The following RIMS1 variants were observed in gnomAD, a reference collection of about 807,000 sequenced individuals.
The protein encoded by RIMS1 is regulating synaptic membrane exocytosis protein 1.
Under a neutral mutation model 214.1 loss-of-function variants are expected in RIMS1, and 83 were observed. The observed-to-expected ratio is 0.39, with a 90% CI of 0.32 to 0.47. The LOEUF (loss-of-function observed/expected upper bound fraction) is 0.47, where lower values mean the gene tolerates loss of function less well. Among genes scored for constraint, RIMS1 ranks in the 20% least tolerant of loss-of-function variants. The pLI, the probability that RIMS1 is intolerant of heterozygous loss-of-function variation, is 0.99. For synonymous variants in RIMS1, 793 were observed against 786.8 expected (o/e 1.01, Z -0.13); for missense variants, 2,050 against 2,161.8 (o/e 0.95, Z 1.03).
At position 72,157,452 on chromosome 6, in the gene RIMS1, T is replaced by C. The variant is rs2044588707; in HGVS notation, c.472-22123T>C. Among the ~76,000 whole-genome samples the C allele has an allele frequency of 1.4e-5, 2 of 140,334 alleles. 1 individual carries two copies. Among genetic ancestry groups the C allele is most frequent in the Non-Finnish European group, 3.2e-5 (2 of 61,708 alleles). 92.1% of individuals were successfully genotyped at this position (140,334 alleles called of 152,430 possible). On this transcript the variant is annotated intron_variant, in intron 4 of 33. Transcript: ENST00000521978. Reference sequence around the variant, plus strand: ...TTTAAGTTTATATAGGTTGAGACTATGTTGTTACTGCATATGAAATCAGAG... The same window carrying C: ...TTTAAGTTTATATAGGTTGAGACTACGTTGTTACTGCATATGAAATCAGAG...
intron 1 of RIMS1, among the ~76,000 whole-genome samples, chr6:71,931,715 T>G (rs1175948199): frequency 6.6e-6 from 1 of 152,138 alleles, no homozygotes; most frequent in Non-Finnish European, 1.5e-5. Flanking sequence ...ACTCTATTGA[T>G]AGTTTCTTTT....
In RIMS1 at chr6:72,028,112, T is replaced by C. The variant is rs577744938; in HGVS notation, c.245+59049T>C. Among the ~76,000 whole-genome samples the C allele has an allele frequency of 3.9e-5, 6 of 152,294 alleles. No homozygotes were observed. In the South Asian group the frequency reaches 8.3e-4, roughly 21 times the overall value. On this transcript the variant is annotated intron_variant, in intron 2 of 33. Transcript: ENST00000521978. Reference sequence around the variant, plus strand: ...AAACATATTCTGAATTCTGACTGGATGTGTTAAGTACAATGATTATTTGAT... The same window carrying C: ...AAACATATTCTGAATTCTGACTGGACGTGTTAAGTACAATGATTATTTGAT...
At chr6:72,291,520 G>T (rs2093384950) in intron 25 of RIMS1, among the ~76,000 whole-genome samples, 1 of 152,156 alleles carries the variant, frequency 6.6e-6, no homozygotes, top group Non-Finnish European at 1.5e-5. Flanking sequence ...TAATTCTATA[G>T]TCAATATCAA....
chr6:72,302,144 G>C (rs2094676181), intron 26 of RIMS1, among the ~76,000 whole-genome samples: 1 of 151,434 alleles, frequency 6.6e-6, no homozygotes. Context: ...TTGATCAAAG[G>C]AACATTGAGG....
chr6:72,317,681 T>C (rs917541689), intron 28 of RIMS1, among the ~76,000 whole-genome samples: 9 of 152,172 alleles, frequency 5.9e-5, no homozygotes, highest in African/African-American at 2.2e-4. Flanking sequence ...AGGATAAAAT[T>C]CAAAAGTAAT....
At chr6:71,918,556 C>CAGCAGT (rs1239494613) in intron 1 of RIMS1, among the ~76,000 whole-genome samples, 1 of 152,034 alleles carries the variant, frequency 6.6e-6, no homozygotes, top group Non-Finnish European at 1.5e-5. Context: ...GTAGAGGGGA[C>CAGCAGT]AGCAGTATGG....
At chr6:71,899,490 A>AC (rs199907215) in intron 1 of RIMS1, among the ~76,000 whole-genome samples, 3,771 of 151,712 alleles carry the variant, frequency 0.025, 52 homozygotes, top group South Asian at 0.048. Context: ...ACACACACAC[A>AC]AACACACACA....
At chr6:71,939,353 A>G (rs1785363545) in intron 1 of RIMS1, among the ~76,000 whole-genome samples, 1 of 152,182 alleles carries the variant, frequency 6.6e-6, no homozygotes, top group African/African-American at 2.4e-5. Flanking sequence ...CTGGCAATAC[A>G]GGCTTTTGGT....
chr6:71,931,000 AT>A (rs1267460549), intron 1 of RIMS1, among the ~76,000 whole-genome samples: 1 of 152,058 alleles, frequency 6.6e-6, no homozygotes, highest in Non-Finnish European at 1.5e-5. Context: ...AATGCATATT[AT>A]TGACACTAGT....
intron 6 of RIMS1, among the ~76,000 whole-genome samples, chr6:72,187,165 G>A (rs1388430579): frequency 3.9e-5 from 6 of 151,904 alleles, no homozygotes; most frequent in Admixed American, 6.6e-5. Context: ...GAAGAAAGGA[G>A]GGAAGGAAGA....
intron 16 of RIMS1, among the ~76,000 whole-genome samples, chr6:72,256,545 C>T (rs1034300439): frequency 4.0e-5 from 6 of 151,848 alleles, no homozygotes; most frequent in African/African-American, 1.5e-4. Flanking sequence ...ATTTATATAC[C>T]TTGAATACTC....
intron 6 of RIMS1, among the ~76,000 whole-genome samples, chr6:72,221,838 G>T (rs2058553017): frequency 6.6e-6 from 1 of 151,822 alleles, no homozygotes; most frequent in Non-Finnish European, 1.5e-5. Flanking sequence ...TATTTCTCCA[G>T]CTCAATCCTG....
At chr6:72,199,971 A>G (rs969869366) in intron 6 of RIMS1, among the ~76,000 whole-genome samples, 1 of 152,084 alleles carries the variant, frequency 6.6e-6, no homozygotes, top group African/African-American at 2.4e-5. Flanking sequence ...ATGAGGAGAA[A>G]TCAATTACTA....
At chr6:72,060,197 G>C (rs1377407354) in intron 2 of RIMS1, among the ~76,000 whole-genome samples, 1 of 151,924 alleles carries the variant, frequency 6.6e-6, no homozygotes, top group African/African-American at 2.4e-5. Flanking sequence ...TCAAACTCCC[G>C]ACCTCAGGTG....
intron 1 of RIMS1, among the ~76,000 whole-genome samples, chr6:71,899,624 A>G (rs1008268715): frequency 1.3e-5 from 2 of 152,102 alleles, no homozygotes; most frequent in Non-Finnish European, 2.9e-5. Flanking sequence ...TATCTAATTT[A>G]CCAGAATTTG....
chr6:72,283,488 T>C lies in RIMS1; in HGVS notation c.3483-559T>C, dbSNP rs1405729298. Among the ~76,000 whole-genome samples the C allele has an allele frequency of 2.6e-5, 4 of 152,194 alleles. No individual in the cohort carries two copies. In the East Asian group the frequency reaches 5.8e-4, roughly 22 times the overall value. ...TTTATAAAAGCATCTTTATGAAAAA[T>C]TTTAAAATGATTTTAATACTTTATA... is the stretch of plus-strand genomic sequence containing the variant. On this transcript the variant is annotated intron_variant, in intron 23 of 33. Transcript: ENST00000521978.
At chr6:71,960,502 G>C (rs1453266561) in intron 1 of RIMS1, among the ~76,000 whole-genome samples, 1 of 151,966 alleles carries the variant, frequency 6.6e-6, no homozygotes, top group Non-Finnish European at 1.5e-5. Flanking sequence ...TGGGACTTTT[G>C]TTTATACAAC....
intron 1 of RIMS1, among the ~76,000 whole-genome samples, chr6:71,961,139 G>A (rs9442723): frequency 0.035 from 5,302 of 152,184 alleles, 300 homozygotes; most frequent in African/African-American, 0.12. Context: ...AAGAGGTAGA[G>A]AAATAATTTT....
chr6:72,209,279 G>A (rs1171104406), intron 6 of RIMS1, among the ~76,000 whole-genome samples: 1 of 151,998 alleles, frequency 6.6e-6, no homozygotes, highest in Non-Finnish European at 1.5e-5. Flanking sequence ...TTTTATAACC[G>A]GAGTTGCTTC....
Sources: allele counts gnomAD v4.1 joint callset (sites outside exome capture counted in the v4.1 genomes callset), GRCh38; gene constraint gnomAD v4.1.1; transcripts MANE v1.5; gene names NCBI Gene and HGNC (gene_info 2026-07-23, HGNC 2026-07-21).